RIPOR2: variants seen among roughly 807,000 people sequenced by gnomAD.
RIPOR2 encodes the protein RHO family interacting cell polarization regulator 2.
In RIPOR2, 39 loss-of-function variants were observed where a neutral mutation model predicts 114.5. The observed-to-expected ratio is 0.34, with a 90% CI of 0.26 to 0.44. The LOEUF (loss-of-function observed/expected upper bound fraction) is 0.44, where lower values mean the gene tolerates loss of function less well. Ranked by LOEUF, RIPOR2 falls within the 20% of genes least tolerant of loss-of-function variation. The pLI, the probability that RIPOR2 is intolerant of heterozygous loss-of-function variation, is 1.00. For synonymous variants in RIPOR2, 445 were observed against 484.4 expected (o/e 0.92, Z 1.07); for missense variants, 1,007 against 1,255.1 (o/e 0.80, Z 2.99).
chr6:24,903,162 A>G (rs1198740937), intron 1 of RIPOR2, among the ~76,000 whole-genome samples: 1 of 152,118 alleles, frequency 6.6e-6, no homozygotes, highest in African/African-American at 2.4e-5. Flanking sequence ...AGGTCTCTCT[A>G]TGTGATCAGG....
chr6:24,805,280 T>C lies in RIPOR2; in HGVS notation c.*1093A>G, dbSNP rs982241539. ...GCTTTGAGTTTTTTGTTTAAGTGTA[T>C]AGGCATAATCTTAATGTAGTTCTTA... On this transcript the variant is annotated 3_prime_UTR_variant, in exon 22 of 22. Coordinates refer to ENST00000643898, the MANE Select transcript of RIPOR2 (RefSeq NM_001286445.3). 59 of 151,970 alleles carry C rather than the reference T, an allele frequency of 3.9e-4. No individual in the cohort carries two copies. The highest frequency in any genetic ancestry group is 3.4e-3 in the Middle Eastern group (1 of 292). The allele number at this position is 151,970 out of a possible 1,614,324, so 9.4% of individuals were successfully genotyped here. A position where few individuals can be genotyped will look rare whatever the true frequency, so the allele number is the denominator to read the frequency against.
At chr6:24,976,595 G>A (rs1266958325) in intron 1 of RIPOR2, 32 of 1,606,386 alleles carry the variant, frequency 2.0e-5, no homozygotes, top group Non-Finnish European at 2.5e-5. Flanking sequence ...GAAAATTTTC[G>A]TGCTCTGAGC....
chr6:24,927,375 C>G, intron 1 of RIPOR2, among the ~76,000 whole-genome samples: 1 of 144,166 alleles, frequency 6.9e-6, no homozygotes, highest in Non-Finnish European at 1.5e-5. Flanking sequence ...TCATCATCAC[C>G]TCACCACCAC....
At chr6:25,015,503 A>G (rs1418520363) in intron 1 of RIPOR2, 2 of 152,196 alleles carry the variant, frequency 1.3e-5, no homozygotes, top group African/African-American at 4.8e-5. Flanking sequence ...ACACGGCACT[A>G]CTGGGTATGC....
At chr6:24,825,461 C>T (rs957587562) in intron 18 of RIPOR2, 33 bp from the exon 19 acceptor site, 1 of 1,453,392 alleles carries the variant, frequency 6.9e-7, no homozygotes. Context: ...ATTTCATGTT[C>T]TGACATGCTA....
chr6:24,854,411 C>A (rs9467334), intron 8 of RIPOR2, among the ~76,000 whole-genome samples: 12,934 of 152,178 alleles, frequency 0.085, 1,474 homozygotes, highest in African/African-American at 0.26. Flanking sequence ...GACAATGTTT[C>A]TTGGATGTCT....
intron 1 of RIPOR2, among the ~76,000 whole-genome samples, chr6:24,978,179 G>A (rs768858402): frequency 3.3e-5 from 5 of 151,962 alleles, no homozygotes; most frequent in South Asian, 4.2e-4. Context: ...TTCATTCTAC[G>A]GGCTTTGTTT....
chr6:24,905,636 C>T (rs1160471912), intron 1 of RIPOR2, among the ~76,000 whole-genome samples: 1 of 152,158 alleles, frequency 6.6e-6, no homozygotes, highest in Non-Finnish European at 1.5e-5. Flanking sequence ...CATTCCAGGA[C>T]TTCATATGTA....
intron 14 of RIPOR2, among the ~76,000 whole-genome samples, chr6:24,837,701 T>G (rs894209004): frequency 5.3e-5 from 8 of 152,240 alleles, no homozygotes; most frequent in Non-Finnish European, 1.0e-4. Context: ...TGAGCCATCA[T>G]GCCTGGCCAA....
At chr6:24,877,873 G>T (rs1765953370) in intron 1 of RIPOR2, among the ~76,000 whole-genome samples, 1 of 152,114 alleles carries the variant, frequency 6.6e-6, no homozygotes, top group African/African-American at 2.4e-5. Context: ...GAGAGTAGGG[G>T]TATGAGCCAC....
intron 1 of RIPOR2, chr6:24,910,686 G>A: frequency 2.3e-6 from 1 of 432,252 alleles, no homozygotes; most frequent in Non-Finnish European, 3.1e-6. Context: ...TGGAAGCTGA[G>A]GACGCTCCAG....
intron 1 of RIPOR2, among the ~76,000 whole-genome samples, chr6:24,945,139 A>G (rs1402694778): frequency 2.3e-4 from 35 of 152,140 alleles, no homozygotes. Flanking sequence ...TACAATTACC[A>G]TATATCAATT....
intron 1 of RIPOR2, among the ~76,000 whole-genome samples, chr6:25,033,937 C>T (rs1777119095): frequency 6.6e-6 from 1 of 151,836 alleles, no homozygotes; most frequent in Non-Finnish European, 1.5e-5. Context: ...TAATTCTTTT[C>T]TTTTTCTTCC....
At chr6:24,947,500 G>A (rs1262137099) in intron 1 of RIPOR2, among the ~76,000 whole-genome samples, 1 of 152,132 alleles carries the variant, frequency 6.6e-6, no homozygotes, top group Non-Finnish European at 1.5e-5. Context: ...CAAAACCCCA[G>A]AATAAAAGAA....
At chr6:24,886,790 C>T (rs61605496) in intron 1 of RIPOR2, among the ~76,000 whole-genome samples, 5,189 of 152,242 alleles carry the variant, frequency 0.034, 278 homozygotes, top group African/African-American at 0.11. Context: ...AAGTTACTAT[C>T]TTTGCCTTTC....
At chr6:24,980,810 G>A (rs1294505441) in intron 1 of RIPOR2, among the ~76,000 whole-genome samples, 3 of 152,182 alleles carry the variant, frequency 2.0e-5, no homozygotes, top group Non-Finnish European at 4.4e-5. Flanking sequence ...GATACAGCTG[G>A]GCTCTGGGAA....
At chr6:25,024,259 GC>G in intron 1 of RIPOR2, 1 of 1,542,786 alleles carries the variant, frequency 6.5e-7, no homozygotes, top group Non-Finnish European at 8.9e-7. Flanking sequence ...TGGATGGCCG[GC>G]CAGATGAACT....
At chr6:24,923,826 C>A (rs897241936) in intron 1 of RIPOR2, among the ~76,000 whole-genome samples, 3 of 151,706 alleles carry the variant, frequency 2.0e-5, no homozygotes, top group Admixed American at 6.6e-5. Flanking sequence ...CCAGCCTCAG[C>A]GACAGAGTAA....
intron 1 of RIPOR2, among the ~76,000 whole-genome samples, chr6:24,885,365 G>A (rs1766734207): frequency 6.6e-6 from 1 of 152,104 alleles, no homozygotes; most frequent in Admixed American, 6.5e-5. Context: ...TGGGACTACT[G>A]GCATGTGCCT....
Sources: gnomAD v4.1 joint callset for allele counts (sites outside exome capture counted in the v4.1 genomes callset) on GRCh38, gnomAD v4.1.1 for gene constraint, MANE v1.5 for transcripts, NCBI Gene and HGNC (gene_info 2026-07-23, HGNC 2026-07-21) for gene names.